The following TCEA1 variants were observed in gnomAD, a reference collection of about 807,000 sequenced individuals.
The protein encoded by TCEA1 is transcription elongation factor A protein 1.
In TCEA1, 21 loss-of-function variants were observed where a neutral mutation model predicts 43.8. That is an observed-to-expected ratio of 0.48 (90% CI 0.34 to 0.69). The LOEUF is 0.69. Among genes scored for constraint, TCEA1 ranks in the 30% least tolerant of loss-of-function variants. TCEA1 has a pLI of 0.01. For synonymous variants in TCEA1, 104 were observed against 117.5 expected, an observed-to-expected ratio of 0.88 and a Z score of 0.75; for missense variants, 250 against 365.1, an observed-to-expected ratio of 0.68 and a Z score of 2.57.
At chr8:53,977,265 A>G (rs1803363134) in intron 8 of TCEA1, among the ~76,000 whole-genome samples, 1 of 152,216 alleles carries the variant, frequency 6.6e-6, no homozygotes, top group Admixed American at 6.5e-5. Context: ...GTTTGCAGTG[A>G]GCTGAGATGG....
intron 7 of TCEA1, among the ~76,000 whole-genome samples, chr8:53,981,115 C>T (rs1803487324): frequency 6.6e-6 from 1 of 152,132 alleles, no homozygotes; most frequent in Non-Finnish European, 1.5e-5. Flanking sequence ...CAAGAGGCTA[C>T]CAGAAGCTGG....
At chr8:53,995,461 A>C (rs1400762616) in intron 3 of TCEA1, among the ~76,000 whole-genome samples, 2 of 152,124 alleles carry the variant, frequency 1.3e-5, no homozygotes, top group Non-Finnish European at 2.9e-5. Context: ...CTGTCTCAAA[A>C]AAAACAAAAC....
chr8:53,994,784 T>C (rs985520532), intron 3 of TCEA1, among the ~76,000 whole-genome samples: 7 of 151,220 alleles, frequency 4.6e-5, no homozygotes, highest in Admixed American at 2.0e-4. Flanking sequence ...GGCAGAAGAA[T>C]AGCTTGAACC....
chr8:53,989,820 T>C (rs1803815767), intron 4 of TCEA1, among the ~76,000 whole-genome samples: 2 of 151,890 alleles, frequency 1.3e-5, no homozygotes, highest in African/African-American at 4.8e-5. Context: ...AGAGCAAGAG[T>C]TGTGCAGTGG....
chr8:54,003,309 C>G (rs1433421983), intron 2 of TCEA1, among the ~76,000 whole-genome samples: 1 of 152,156 alleles, frequency 6.6e-6, no homozygotes, highest in African/African-American at 2.4e-5. Flanking sequence ...GAACTACTGA[C>G]TCAATGCAAT....
chr8:54,004,844 GGGACCT>G (rs2129310437), intron 2 of TCEA1, among the ~76,000 whole-genome samples: 1 of 151,746 alleles, frequency 6.6e-6, no homozygotes, highest in South Asian at 2.1e-4. Flanking sequence ...CAAGACAGCA[GGGACCT>G]TGTCTTGTCT....
chr8:53,978,971 C>A, intron 8 of TCEA1, 54 bp downstream of exon 8: 1 of 1,527,956 alleles, frequency 6.5e-7, no homozygotes, highest in Admixed American at 2.0e-5. Flanking sequence ...TATTTTAAAA[C>A]AGGAGTTGCA....
chr8:53,976,275 A>T (rs1803330849), intron 8 of TCEA1, among the ~76,000 whole-genome samples: 1 of 152,208 alleles, frequency 6.6e-6, no homozygotes. Context: ...AGGAAGACAA[A>T]GCAGCACCAT....
At chr8:53,983,348 T>C (rs1803578061) in intron 7 of TCEA1, among the ~76,000 whole-genome samples, 1 of 152,248 alleles carries the variant, frequency 6.6e-6, no homozygotes, top group African/African-American at 2.4e-5. Context: ...GAGGTATGTT[T>C]GTGTACAGAA....
intron 8 of TCEA1, among the ~76,000 whole-genome samples, chr8:53,977,466 T>G (rs1434729837): frequency 6.6e-6 from 1 of 152,262 alleles, no homozygotes; most frequent in Non-Finnish European, 1.5e-5. Flanking sequence ...ACTCATAAAC[T>G]TTTGTACTTT....
chr8:54,019,922 CT>C (rs1445331623), intron 1 of TCEA1, among the ~76,000 whole-genome samples: 1 of 152,104 alleles, frequency 6.6e-6, no homozygotes, highest in Non-Finnish European at 1.5e-5. Context: ...TTTGAACTAC[CT>C]GAAAACTTAG....
At chr8:53,983,043 A>G (rs533400279) in intron 7 of TCEA1, among the ~76,000 whole-genome samples, 1 of 152,290 alleles carries the variant, frequency 6.6e-6, no homozygotes, top group African/African-American at 2.4e-5. Flanking sequence ...AGCCACCTCA[A>G]CCTTCAATAA....
intron 2 of TCEA1, among the ~76,000 whole-genome samples, chr8:54,004,867 A>G (rs1804390115): frequency 6.6e-6 from 1 of 152,168 alleles, no homozygotes; most frequent in Non-Finnish European, 1.5e-5. Flanking sequence ...GTCTGCCACT[A>G]TATTCAGCAT....
rs1803954580 is a variant in TCEA1, at chr8:53,993,649, T to C, written c.320+19A>G. ...AACTATGACTTTCAATATAAATATATGTCTATACTGTGAAGTACCTTTCTT... is the reference window on the plus strand; with the variant it reads ...AACTATGACTTTCAATATAAATATACGTCTATACTGTGAAGTACCTTTCTT... On this transcript the variant is annotated intron_variant, in intron 4 of 9. Transcript: ENST00000521604. The C allele has an allele frequency of 6.3e-7, 1 of 1,584,552 alleles. No individual in the cohort carries two copies. Among genetic ancestry groups the C allele is most frequent in the Non-Finnish European group, 8.6e-7 (1 of 1,157,738 alleles).
intron 4 of TCEA1, among the ~76,000 whole-genome samples, chr8:53,989,407 T>G (rs1803800118): frequency 6.6e-6 from 1 of 152,222 alleles, no homozygotes; most frequent in Non-Finnish European, 1.5e-5. Flanking sequence ...CATCCATAGA[T>G]GTGGTTTGCT....
chr8:54,022,247 C>G lies in TCEA1; in HGVS notation c.-122G>C, dbSNP rs532634837. The G allele has an allele frequency of 2.1e-5, 25 of 1,213,544 alleles. No individual in the cohort carries two copies. The highest frequency in any genetic ancestry group is 1.4e-4 in the South Asian group (11 of 78,980). The allele number at this position is 1,213,544 out of a possible 1,614,324, so 75.2% of individuals were successfully genotyped here. On this transcript the variant is annotated 5_prime_UTR_variant, in exon 1 of 10. Transcript: ENST00000521604. ...CAACCCCCACCACCGCAGGCCCGGG[C>G]CTAGGCCCCCTTCCTTACGAACGAA...
chr8:53,975,709 C>G (rs1803311158), intron 8 of TCEA1, among the ~76,000 whole-genome samples: 1 of 152,072 alleles, frequency 6.6e-6, no homozygotes, highest in Non-Finnish European at 1.5e-5. Flanking sequence ...AGTCAGAGAG[C>G]AGAATGGTGG....
intron 5 of TCEA1, among the ~76,000 whole-genome samples, chr8:53,987,803 T>C (rs2129303525): frequency 6.6e-6 from 1 of 152,302 alleles, no homozygotes. Context: ...GGTATGTAGT[T>C]TGCAGATTAA....
chr8:54,007,446 G>T (rs1264586646), intron 2 of TCEA1, among the ~76,000 whole-genome samples: 2 of 152,108 alleles, frequency 1.3e-5, no homozygotes, highest in Non-Finnish European at 2.9e-5. Flanking sequence ...CTCCCAAGGT[G>T]TTGGGATTAC....
Sources: gnomAD v4.1 joint callset for allele counts (sites outside exome capture counted in the v4.1 genomes callset) on GRCh38, gnomAD v4.1.1 for gene constraint, MANE v1.5 for transcripts, NCBI Gene and HGNC (gene_info 2026-07-23, HGNC 2026-07-21) for gene names.